LSAMP: variants seen among roughly 807,000 people sequenced by gnomAD.
LSAMP encodes limbic system associated membrane protein.
A neutral mutation model predicts 38.6 loss-of-function variants in LSAMP; 7 were observed. The ratio of observed to expected loss-of-function variants is 0.18; its 90% CI spans 0.10 to 0.34. The LOEUF (loss-of-function observed/expected upper bound fraction) is 0.34, where lower values mean the gene tolerates loss of function less well. Among genes scored for constraint, LSAMP ranks in the 10% least tolerant of loss-of-function variants. The pLI, the probability that LSAMP is intolerant of heterozygous loss-of-function variation, is 1.00. For synonymous variants in LSAMP, 154 were observed against 166.8 expected (o/e 0.92, Z 0.59); for missense variants, 313 against 420.0 (o/e 0.75, Z 2.23).
At chr3:116,131,995 T>G (rs2107503405) in intron 1 of LSAMP, among the ~76,000 whole-genome samples, 1 of 152,002 alleles carries the variant, frequency 6.6e-6, no homozygotes, top group South Asian at 2.1e-4. Context: ...GCCCAGCTAA[T>G]TTTTGTATTT....
intron 1 of LSAMP, among the ~76,000 whole-genome samples, chr3:116,428,366 G>A (rs1034113948): frequency 1.3e-5 from 2 of 152,128 alleles, no homozygotes; most frequent in African/African-American, 2.4e-5. Context: ...GCTGAGGCAG[G>A]AGAATTGCTT....
At chr3:116,265,600 C>T (rs1380062549) in intron 1 of LSAMP, among the ~76,000 whole-genome samples, 1 of 152,098 alleles carries the variant, frequency 6.6e-6, no homozygotes, top group Non-Finnish European at 1.5e-5. Context: ...ATTTCTTTCC[C>T]CAACGCCTTG....
intron 1 of LSAMP, among the ~76,000 whole-genome samples, chr3:116,282,150 T>C (rs1382424251): frequency 2.0e-5 from 3 of 152,212 alleles, no homozygotes; most frequent in Non-Finnish European, 4.4e-5. Context: ...GGGCAGGACT[T>C]CATTGAAATA....
chr3:116,064,956 T>TA (rs1707383327), intron 2 of LSAMP, among the ~76,000 whole-genome samples: 1 of 152,236 alleles, frequency 6.6e-6, no homozygotes, highest in Non-Finnish European at 1.5e-5. Flanking sequence ...TCTGAAGCTC[T>TA]AAATGTGAAG....
At chr3:116,329,672 C>T (rs1413221655) in intron 1 of LSAMP, among the ~76,000 whole-genome samples, 6 of 151,914 alleles carry the variant, frequency 3.9e-5, no homozygotes, top group Non-Finnish European at 7.4e-5. Context: ...TCAAAAATTT[C>T]GGAGGGGGAC....
At chr3:116,202,189 G>A (rs1268804170) in intron 1 of LSAMP, among the ~76,000 whole-genome samples, 3 of 150,540 alleles carry the variant, frequency 2.0e-5, no homozygotes, top group Non-Finnish European at 4.4e-5. Flanking sequence ...AGGCTGGAGT[G>A]TTGTGGGGCA....
chr3:116,215,785 A>G (rs763620751), intron 1 of LSAMP, among the ~76,000 whole-genome samples: 2 of 152,322 alleles, frequency 1.3e-5, no homozygotes, highest in East Asian at 1.9e-4. Flanking sequence ...AGGATACACC[A>G]TGGTAGGCGG....
chr3:116,062,456 C>A (rs936347314), intron 2 of LSAMP, among the ~76,000 whole-genome samples: 19 of 152,066 alleles, frequency 1.2e-4, no homozygotes, highest in Middle Eastern at 3.2e-3. Context: ...GCGGAGGTTG[C>A]GGTGAGCCGG....
At chr3:116,108,334 TAA>T (rs1410500108) in intron 1 of LSAMP, among the ~76,000 whole-genome samples, 3 of 151,964 alleles carry the variant, frequency 2.0e-5, no homozygotes, top group South Asian at 4.2e-4. Flanking sequence ...AAGGAGTGCT[TAA>T]AAGAGTACTG....
In LSAMP at chr3:115,937,526, A is replaced by G. The variant is rs143188952; in HGVS notation, c.514+81989T>C. ...CATGGTAGTGCACACCCATGGTCCC[A>G]GCTACTAGGGAGGCTGAGGTGGGAG... is the stretch of plus-strand genomic sequence containing the variant. On this transcript the variant is annotated intron_variant, in intron 3 of 6. Transcript: ENST00000490035. Among the ~76,000 whole-genome samples the G allele has an allele frequency of 3.4e-3, 517 of 152,156 alleles. 2 individuals are homozygous for G. The highest frequency in any genetic ancestry group is 0.012 in the African/African-American group (495 of 41,520).
intron 1 of LSAMP, among the ~76,000 whole-genome samples, chr3:116,347,209 TC>T (rs2048074902): frequency 6.6e-6 from 1 of 152,202 alleles, no homozygotes; most frequent in Non-Finnish European, 1.5e-5. Flanking sequence ...AATCCTTCCT[TC>T]TATTCACTCT....
intron 3 of LSAMP, among the ~76,000 whole-genome samples, chr3:115,872,999 C>T (rs1936087357): frequency 6.6e-6 from 1 of 151,980 alleles, no homozygotes; most frequent in South Asian, 2.1e-4. Context: ...TGTAAACATT[C>T]CCATTCATAA....
At chr3:116,267,805 A>AG (rs1485808365) in intron 1 of LSAMP, among the ~76,000 whole-genome samples, 1 of 152,112 alleles carries the variant, frequency 6.6e-6, no homozygotes, top group Non-Finnish European at 1.5e-5. Flanking sequence ...CTCTGTGGGA[A>AG]GGAATGTATT....
chr3:115,826,648 C>G (rs752450276), intron 6 of LSAMP, among the ~76,000 whole-genome samples: 1 of 152,142 alleles, frequency 6.6e-6, no homozygotes, highest in Non-Finnish European at 1.5e-5. Flanking sequence ...AGAGCAAATA[C>G]TAAGATATTT....
chr3:116,202,035 T>C (rs2045994005), intron 1 of LSAMP, among the ~76,000 whole-genome samples: 1 of 152,194 alleles, frequency 6.6e-6, no homozygotes, highest in Admixed American at 6.5e-5. Flanking sequence ...CTCTGACCCT[T>C]ATGATTCCAG....
chr3:116,145,194 A>AT (rs997268692), intron 1 of LSAMP, among the ~76,000 whole-genome samples: 3 of 151,658 alleles, frequency 2.0e-5, no homozygotes, highest in African/African-American at 4.8e-5. Flanking sequence ...CATTTTGAAT[A>AT]TTTTTTCTTC....
intron 3 of LSAMP, among the ~76,000 whole-genome samples, chr3:115,915,833 A>G (rs1466244482): frequency 6.6e-6 from 1 of 151,948 alleles, no homozygotes; most frequent in African/African-American, 2.4e-5. Context: ...GCATTTCACC[A>G]TGTTGGCCAG....
rs1280040169 is a variant in LSAMP at position 116,146,087 on chromosome 3, G to C, written c.156-59531C>G. 2.0e-5 allele frequency among the ~76,000 whole-genome samples: 3 copies of C among 151,832 alleles called. No homozygotes were observed. In the South Asian group the frequency reaches 6.2e-4, roughly 32 times the overall value. ...AGGCCTGGCTAGGTGGCAAACTTTAGTGTTGACTTTTGCTCCAATTAGCAA... is the reference window on the plus strand; with the variant it reads ...AGGCCTGGCTAGGTGGCAAACTTTACTGTTGACTTTTGCTCCAATTAGCAA... On this transcript the variant is annotated intron_variant, in intron 1 of 6. Transcript: ENST00000490035.
chr3:116,379,984 C>T (rs961372469), intron 1 of LSAMP, among the ~76,000 whole-genome samples: 2 of 151,990 alleles, frequency 1.3e-5, no homozygotes, highest in African/African-American at 2.4e-5. Flanking sequence ...ATTCTATACC[C>T]TCAGACTCTT....
Sources: gnomAD v4.1 joint callset for allele counts (sites outside exome capture counted in the v4.1 genomes callset) on GRCh38, gnomAD v4.1.1 for gene constraint, MANE v1.5 for transcripts, NCBI Gene and HGNC (gene_info 2026-07-23, HGNC 2026-07-21) for gene names.